CADM2: variants seen among roughly 807,000 people sequenced by gnomAD.
CADM2 encodes the protein immunoglobulin superfamily member 4D.
In CADM2, 12 loss-of-function variants were observed where a neutral mutation model predicts 49.8. The observed-to-expected ratio is 0.24, with a 90% CI of 0.15 to 0.39. CADM2 has a LOEUF of 0.39. CADM2 is among the 10% of genes least tolerant of loss of function. The probability of loss-of-function intolerance (pLI) is 1.00; values close to 1 mark genes in which losing one functional copy is unlikely to be tolerated. For synonymous variants in CADM2, 214 were observed against 175.4 expected, an observed-to-expected ratio of 1.22 and a Z score of -1.74; for missense variants, 378 against 492.3, an observed-to-expected ratio of 0.77 and a Z score of 2.20.
intron 1 of CADM2, among the ~76,000 whole-genome samples, chr3:85,113,825 A>G (rs954924604): frequency 2.6e-5 from 4 of 151,856 alleles, no homozygotes; most frequent in Non-Finnish European, 5.9e-5. Flanking sequence ...ATAACTTATG[A>G]TAGTATATAG....
chr3:85,759,166 T>C (rs1287096364), intron 2 of CADM2, among the ~76,000 whole-genome samples: 1 of 152,086 alleles, frequency 6.6e-6, no homozygotes, highest in African/African-American at 2.4e-5. Context: ...ATCTTCCTTT[T>C]TATCATGCTT....
chr3:85,894,615 G>T (rs1340640275), intron 5 of CADM2, among the ~76,000 whole-genome samples: 1 of 152,144 alleles, frequency 6.6e-6, no homozygotes, highest in Non-Finnish European at 1.5e-5. Context: ...GCATGTCAGA[G>T]ACCTTCAGGG....
rs1288918772 is a variant in CADM2 at position 85,359,655 on chromosome 3, TA to T, written c.62-366866del. 1.1e-3 allele frequency among the ~76,000 whole-genome samples: 20 copies of T among 18,228 alleles called. 1 individual carries two copies. The highest frequency in any genetic ancestry group is 3.5e-3 in the East Asian group (3 of 856). 12.0% of individuals were successfully genotyped at this position (18,228 alleles called of 152,430 possible). ...ATGTCAGCATATATATATATATATATATATATATATATTTTTTTTTTTGGTG... is the reference window on the plus strand; with the variant it reads ...ATGTCAGCATATATATATATATATATTATATATATATTTTTTTTTTTGGTG... On this transcript the variant is annotated intron_variant, in intron 1 of 9. Coordinates refer to ENST00000383699, the MANE Select transcript of CADM2 (RefSeq NM_001167675.2).
At chr3:85,781,169 A>G (rs2070623840) in intron 2 of CADM2, among the ~76,000 whole-genome samples, 1 of 152,190 alleles carries the variant, frequency 6.6e-6, no homozygotes, top group Non-Finnish European at 1.5e-5. Flanking sequence ...GCAACTAATT[A>G]AGATGGCATC....
intron 2 of CADM2, among the ~76,000 whole-genome samples, chr3:85,792,849 C>T (rs1401683451): frequency 1.3e-5 from 2 of 152,294 alleles, no homozygotes; most frequent in East Asian, 1.9e-4. Flanking sequence ...TTTACTACTT[C>T]GCTTATTGCT....
intron 1 of CADM2, among the ~76,000 whole-genome samples, chr3:85,170,239 G>T (rs1391969131): frequency 1.3e-5 from 2 of 152,014 alleles, no homozygotes; most frequent in African/African-American, 2.4e-5. Flanking sequence ...TTATTCTGGC[G>T]CCTTTAGAGT....
intron 3 of CADM2, among the ~76,000 whole-genome samples, chr3:85,814,151 A>G (rs984348462): frequency 5.3e-5 from 8 of 151,994 alleles, no homozygotes; most frequent in South Asian, 2.1e-4. Context: ...CATTTTCTCC[A>G]TATTGATTCT....
At chr3:85,054,868 T>C (rs1405761126) in intron 1 of CADM2, among the ~76,000 whole-genome samples, 2 of 151,886 alleles carry the variant, frequency 1.3e-5, no homozygotes, top group African/African-American at 2.4e-5. Flanking sequence ...CTTGAGTAAA[T>C]AGCCTCAAGT....
Position 85,365,311 on chromosome 3 carries a change from C to T in CADM2, c.62-361211C>T, listed in dbSNP as rs547621749. Among the ~76,000 whole-genome samples, 4 of 148,770 alleles carry T rather than the reference C, an allele frequency of 2.7e-5. No homozygotes were observed. In the South Asian group the frequency reaches 8.5e-4, roughly 32 times the overall value. On this transcript the variant is annotated intron_variant, in intron 1 of 9. Transcript: ENST00000383699. Reference sequence around the variant, plus strand: ...TAATGGAAGAGGGCTTTTCTCTTTGCCACCCTGACTGATACAGTTAATGTG... The same window carrying T: ...TAATGGAAGAGGGCTTTTCTCTTTGTCACCCTGACTGATACAGTTAATGTG...
At chr3:85,771,258 T>C (rs1284838301) in intron 2 of CADM2, among the ~76,000 whole-genome samples, 1 of 152,160 alleles carries the variant, frequency 6.6e-6, no homozygotes, top group Admixed American at 6.6e-5. Flanking sequence ...CCTGAACTTC[T>C]TAAACCCATT....
intron 1 of CADM2, among the ~76,000 whole-genome samples, chr3:85,553,298 G>A (rs2061862750): frequency 8.5e-6 from 1 of 117,818 alleles, no homozygotes. Context: ...AGTTTATTGT[G>A]TTTTATTTCT....
At chr3:85,077,956 A>T (rs2037011737) in intron 1 of CADM2, among the ~76,000 whole-genome samples, 1 of 152,080 alleles carries the variant, frequency 6.6e-6, no homozygotes, top group Non-Finnish European at 1.5e-5. Context: ...TGGTGCACAC[A>T]AACTCTGCCA....
chr3:85,652,912 G>A (rs2065095745), intron 1 of CADM2, among the ~76,000 whole-genome samples: 2 of 150,132 alleles, frequency 1.3e-5, no homozygotes, highest in African/African-American at 4.9e-5. Context: ...TGAGTAGCTG[G>A]AATTACAGGT....
chr3:85,811,507 T>C (rs890570887), intron 3 of CADM2, among the ~76,000 whole-genome samples: 4 of 152,202 alleles, frequency 2.6e-5, no homozygotes, highest in African/African-American at 9.6e-5. Context: ...CTCACTGATA[T>C]TTGAGAAGCC....
intron 1 of CADM2, among the ~76,000 whole-genome samples, chr3:85,618,995 C>T (rs528063676): frequency 9.2e-5 from 14 of 151,442 alleles, no homozygotes; most frequent in African/African-American, 2.9e-4. Context: ...GAGCTGAGAT[C>T]GGCCACTGCA....
intron 1 of CADM2, among the ~76,000 whole-genome samples, chr3:85,505,034 C>A (rs1447410920): frequency 6.6e-6 from 1 of 152,122 alleles, no homozygotes; most frequent in Non-Finnish European, 1.5e-5. Context: ...CCGCGCGCAG[C>A]CCCGGTTCCC....
chr3:86,009,632 G>A (rs1731243716), intron 8 of CADM2, among the ~76,000 whole-genome samples: 1 of 151,762 alleles, frequency 6.6e-6, no homozygotes, highest in South Asian at 2.1e-4. Context: ...GACATAAACT[G>A]ATACTTCTTT....
chr3:86,048,255 C>T (rs984634282), intron 8 of CADM2, among the ~76,000 whole-genome samples: 4 of 151,584 alleles, frequency 2.6e-5, no homozygotes, highest in Admixed American at 6.6e-5. Flanking sequence ...CATGTATATA[C>T]GTGTGTATAT....
intron 2 of CADM2, among the ~76,000 whole-genome samples, chr3:85,762,137 G>A (rs2069420948): frequency 6.6e-6 from 1 of 152,168 alleles, no homozygotes; most frequent in Non-Finnish European, 1.5e-5. Context: ...ATAACTAAGT[G>A]TAGAAGAAAA....
Sources: allele counts gnomAD v4.1 joint callset (sites outside exome capture counted in the v4.1 genomes callset), GRCh38; gene constraint gnomAD v4.1.1; transcripts MANE v1.5; gene names NCBI Gene and HGNC (gene_info 2026-07-23, HGNC 2026-07-21).